Variants in GABARAPL1 observed in about 807,000 individuals in gnomAD.
The protein encoded by GABARAPL1 is gamma-aminobutyric acid receptor-associated protein-like 1.
GABARAPL1 carries 4 observed loss-of-function variants against 14.5 expected under a neutral mutation model. That is an observed-to-expected ratio of 0.28 (90% CI 0.14 to 0.63). The LOEUF is 0.63. GABARAPL1 is among the 30% of genes least tolerant of loss of function. GABARAPL1 has a pLI of 0.84. For missense variants in GABARAPL1, 82 were observed against 139.2 expected (o/e 0.59, Z 2.07); for synonymous variants, 47 against 50.6 (o/e 0.93, Z 0.30).
At chr12:10,221,165 G>A in intron 3 of GABARAPL1, 1 of 974,066 alleles carries the variant, frequency 1.0e-6, no homozygotes, top group Non-Finnish European at 1.2e-6. Flanking sequence ...ACATTATCTG[G>A]GCACAATGAA....
intron 1 of GABARAPL1, 87 bp downstream of exon 1, chr12:10,213,306 A>T (rs1183362300): frequency 1.2e-6 from 1 of 819,486 alleles, no homozygotes; most frequent in South Asian, 1.4e-5. Flanking sequence ...TGGGGCGCCC[A>T]GGCGGCTCTG....
At chr12:10,220,610 C>G (rs1565437990) in intron 3 of GABARAPL1, 52 bp downstream of exon 3, 2 of 1,612,752 alleles carry the variant, frequency 1.2e-6, no homozygotes, top group South Asian at 1.1e-5. Context: ...AGTCTGGCAT[C>G]CTCTAGCCCT....
chr12:10,212,941 C>A lies in GABARAPL1; in HGVS notation c.-189C>A. 1.7e-6 allele frequency: 1 copy of A among 579,156 alleles called. No homozygotes were observed. The highest frequency in any genetic ancestry group is 3.1e-6 in the Non-Finnish European group (1 of 320,336). The allele number at this position is 579,156 out of a possible 1,614,324, so 35.9% of individuals were successfully genotyped here. On this transcript the variant is annotated 5_prime_UTR_variant, in exon 1 of 4. Coordinates refer to ENST00000266458, the MANE Select transcript of GABARAPL1 (RefSeq NM_031412.4). ...TTCTCCATCTGGCTCTCCTCTACCTCCAGGCAGGCTCACCCGAGATCCCCG... is the reference window on the plus strand; with the variant it reads ...TTCTCCATCTGGCTCTCCTCTACCTACAGGCAGGCTCACCCGAGATCCCCG...
Position 10,213,059 on chromosome 12 carries a change from G to A in GABARAPL1, c.-71G>A. The stretch of plus-strand genomic sequence containing the variant: ...CTGAGCACACCTTGACGTCGGCTGA[G>A]GGAGCGGGACAGGGTCAGCGGCGAA... On this transcript the variant is annotated 5_prime_UTR_variant, in exon 1 of 4. Transcript: ENST00000266458. The A allele has an allele frequency of 1.1e-6, 1 of 921,478 alleles. No individual in the cohort carries two copies. Among genetic ancestry groups the A allele is most frequent in the South Asian group, 1.4e-5 (1 of 70,938 alleles). 57.1% of individuals were successfully genotyped at this position (921,478 alleles called of 1,614,324 possible).
At position 10,213,403 on chromosome 12, in the gene GABARAPL1, C is replaced by G. The variant is rs1487153455; in HGVS notation, c.90+184C>G. The G allele has an allele frequency of 1.5e-5, 10 of 675,804 alleles. No individual in the cohort carries two copies. In the Admixed American group the frequency reaches 1.6e-4, roughly 11 times the overall value. 41.9% of individuals were successfully genotyped at this position (675,804 alleles called of 1,614,324 possible). A position where few individuals can be genotyped will look rare whatever the true frequency, so the allele number is the denominator to read the frequency against. ...CGTCCAGACTGTAGAGCTTTTAAAACCCCGTATGCCTGGGCCCCGAACCCC... is the reference window on the plus strand; with the variant it reads ...CGTCCAGACTGTAGAGCTTTTAAAAGCCCGTATGCCTGGGCCCCGAACCCC... On this transcript the variant is annotated intron_variant, in intron 1 of 3. Coordinates refer to ENST00000266458, the MANE Select transcript of GABARAPL1 (RefSeq NM_031412.4).
chr12:10,221,374 A>G (rs866513743), intron 3 of GABARAPL1: 5 of 979,658 alleles, frequency 5.1e-6, no homozygotes, highest in Middle Eastern at 1.0e-3. Flanking sequence ...AGTATTTTGC[A>G]TAAGATGCTT....
intron 2 of GABARAPL1, 138 bp downstream of exon 2, chr12:10,218,279 A>G (rs1340000478): frequency 4.4e-6 from 3 of 685,786 alleles, no homozygotes; most frequent in Middle Eastern, 5.2e-4. Context: ...TTATCTGATT[A>G]AAAAATGACT....
intron 1 of GABARAPL1, among the ~76,000 whole-genome samples, chr12:10,217,406 A>C (rs760015641): frequency 3.9e-5 from 6 of 151,964 alleles, no homozygotes; most frequent in Non-Finnish European, 5.9e-5. Context: ...GGACCATATG[A>C]GAAAACCCAG....
intron 3 of GABARAPL1, 77 bp from the exon 4 acceptor site, chr12:10,221,710 A>C: frequency 6.6e-7 from 1 of 1,513,066 alleles, no homozygotes. Context: ...CTGCTTTACA[A>C]GGTTGTGTGA....
rs1949065309 is a variant in GABARAPL1, at chr12:10,212,931, T to TC, written c.-197dup. The TC allele has an allele frequency of 1.8e-6, 1 of 544,934 alleles. No homozygotes were observed. Among genetic ancestry groups the TC allele is most frequent in the Non-Finnish European group, 3.3e-6 (1 of 302,250 alleles). 33.8% of individuals were successfully genotyped at this position (544,934 alleles called of 1,614,324 possible). On this transcript the variant is annotated 5_prime_UTR_variant, in exon 1 of 4. Coordinates refer to ENST00000266458, the MANE Select transcript of GABARAPL1 (RefSeq NM_031412.4). ...CCGCCGGTATTTCTCCATCTGGCTC[T>TC]CCTCTACCTCCAGGCAGGCTCACCC...
Position 10,221,060 on chromosome 12 carries a change from T to C in GABARAPL1, c.288+502T>C, listed in dbSNP as rs1009766242. 50 of 985,272 alleles carry C rather than the reference T, an allele frequency of 5.1e-5. 1 individual carries two copies. Among genetic ancestry groups the C allele is most frequent in the Non-Finnish European group, 5.5e-5 (46 of 829,854 alleles). 61.0% of individuals were successfully genotyped at this position (985,272 alleles called of 1,614,324 possible). On this transcript the variant is annotated intron_variant, in intron 3 of 3. Transcript: ENST00000266458. ...GATTCTCCCCACAGTCAGCTTCTTC[T>C]ATGAACTCTGAAGTTTTGGCTTAAG...
chr12:10,222,912 G>C lies in GABARAPL1; in HGVS notation c.*1060G>C, dbSNP rs1226693477. On this transcript the variant is annotated 3_prime_UTR_variant, in exon 4 of 4. Coordinates refer to ENST00000266458, the MANE Select transcript of GABARAPL1 (RefSeq NM_031412.4). ...AGGGATGACTTTTAGTAAATCATGG[G>C]GATTTTATTGATTTATTTTCACTTT... The C allele has an allele frequency of 6.6e-6, 1 of 152,510 alleles. No homozygotes were observed. The highest frequency in any genetic ancestry group is 1.5e-5 in the Non-Finnish European group (1 of 68,030). 9.4% of individuals were successfully genotyped at this position (152,510 alleles called of 1,614,324 possible).
Position 10,213,634 on chromosome 12 carries a change from C to A in GABARAPL1, c.90+415C>A, listed in dbSNP as rs554708016. 1.8e-3 allele frequency: 639 copies of A among 345,984 alleles called. 5 individuals carry two copies. The highest frequency in any genetic ancestry group is 0.012 in the African/African-American group (565 of 46,600). The allele number at this position is 345,984 out of a possible 1,614,324, so 21.4% of individuals were successfully genotyped here. A position where few individuals can be genotyped will look rare whatever the true frequency, so the allele number is the denominator to read the frequency against. ...TGCTGTGCGGTGAGGTTTGCGCAAA[C>A]CCAGTCGATTTCTGCCTTGGCTGGT... On this transcript the variant is annotated intron_variant, in intron 1 of 3. Coordinates refer to ENST00000266458, the MANE Select transcript of GABARAPL1 (RefSeq NM_031412.4).
chr12:10,219,791 A>G lies in GABARAPL1; in HGVS notation c.170-649A>G, dbSNP rs574737879. ...GCTTTCAGCCTGGGTGACAGAGTAGAACTCTGTCTCGGAAAAAAAAAAAAT... is the reference window on the plus strand; with the variant it reads ...GCTTTCAGCCTGGGTGACAGAGTAGGACTCTGTCTCGGAAAAAAAAAAAAT... On this transcript the variant is annotated intron_variant, in intron 2 of 3. Coordinates refer to ENST00000266458, the MANE Select transcript of GABARAPL1 (RefSeq NM_031412.4). Among the ~76,000 whole-genome samples, 8 of 151,492 alleles carry G rather than the reference A, an allele frequency of 5.3e-5. 1 individual carries two copies. The highest frequency in any genetic ancestry group is 5.2e-4 in the Admixed American group (8 of 15,268).
chr12:10,218,590 A>G (rs1949103285), intron 2 of GABARAPL1, among the ~76,000 whole-genome samples: 1 of 152,090 alleles, frequency 6.6e-6, no homozygotes. Context: ...AGAAGACTCA[A>G]TAGTTCTTTC....
intron 3 of GABARAPL1, chr12:10,221,326 T>C (rs1291526966): frequency 1.0e-6 from 1 of 978,888 alleles, no homozygotes; most frequent in Non-Finnish European, 1.2e-6. Context: ...TTATTATTAC[T>C]GAAAATATAA....
intron 1 of GABARAPL1, among the ~76,000 whole-genome samples, chr12:10,215,896 TTG>T (rs1949085588): frequency 2.0e-5 from 1 of 50,668 alleles, no homozygotes; most frequent in African/African-American, 4.0e-5. Flanking sequence ...TTTGTTTTTG[TTG>T]TTTTTTTTTT....
chr12:10,221,956 G>C lies in GABARAPL1; in HGVS notation c.*104G>C, dbSNP rs183333071. Reference sequence around the variant, plus strand: ...GGGTGGCTCCCACCGCAAGGAGACAGAAGGTGAAGACATCTAGAAACATTA... The same window carrying C: ...GGGTGGCTCCCACCGCAAGGAGACACAAGGTGAAGACATCTAGAAACATTA... On this transcript the variant is annotated 3_prime_UTR_variant, in exon 4 of 4. Transcript: ENST00000266458. The C allele has an allele frequency of 1.2e-4, 112 of 912,894 alleles. No homozygotes were observed. Among genetic ancestry groups the C allele is most frequent in the Admixed American group, 6.1e-4 (32 of 52,602 alleles). The allele number at this position is 912,894 out of a possible 1,614,324, so 56.5% of individuals were successfully genotyped here. A position where few individuals can be genotyped will look rare whatever the true frequency, so the allele number is the denominator to read the frequency against.
Position 10,215,541 on chromosome 12 carries a change from G to A in GABARAPL1, c.90+2322G>A, listed in dbSNP as rs555065778. ...CTACCATAGTGAGGAGTAGAGCTGG[G>A]ATTCCTGGAAACTTAACCTTGGTAC... On this transcript the variant is annotated intron_variant, in intron 1 of 3. Transcript: ENST00000266458. Among the ~76,000 whole-genome samples, 15 of 152,278 alleles carry A rather than the reference G, an allele frequency of 9.9e-5. No individual in the cohort carries two copies. In the South Asian group the frequency reaches 3.1e-3, roughly 32 times the overall value.
Sources: gnomAD v4.1 joint callset for allele counts (sites outside exome capture counted in the v4.1 genomes callset) on GRCh38, gnomAD v4.1.1 for gene constraint, MANE v1.5 for transcripts, NCBI Gene and HGNC (gene_info 2026-07-23, HGNC 2026-07-21) for gene names.